Variants in CXADR observed in about 807,000 individuals in gnomAD.
CXADR encodes the protein coxsackievirus and adenovirus receptor.
CXADR carries 20 observed loss-of-function variants against 40.3 expected under a neutral mutation model. The ratio of observed to expected loss-of-function variants is 0.50; its 90% CI spans 0.35 to 0.72. The LOEUF (loss-of-function observed/expected upper bound fraction) is 0.72. CXADR is among the 30% of genes least tolerant of loss of function. The probability of loss-of-function intolerance (pLI) is 0.01; values close to 1 mark genes in which losing one functional copy is unlikely to be tolerated. For synonymous variants in CXADR, 150 were observed against 161.3 expected, an observed-to-expected ratio of 0.93 and a Z score of 0.53; for missense variants, 332 against 449.1, an observed-to-expected ratio of 0.74 and a Z score of 2.36.
downstream of CXADR, among the ~76,000 whole-genome samples, chr21:17,571,311 A>G (rs75003070): frequency 0.015 from 2,260 of 152,342 alleles, 54 homozygotes; most frequent in African/African-American, 0.051. Context: ...TAGAACTGAT[A>G]TAATAATGAA....
intron 7 of CXADR, among the ~76,000 whole-genome samples, chr21:17,587,108 T>G (rs904260054): frequency 5.9e-5 from 9 of 152,232 alleles, no homozygotes; most frequent in South Asian, 2.1e-4. Context: ...ATGGTGTATA[T>G]GTGCCACATT....
intron 6 of CXADR, 27 bp from the exon 7 acceptor site, chr21:17,565,401 A>C (rs781135313): frequency 6.2e-7 from 1 of 1,607,504 alleles, no homozygotes; most frequent in East Asian, 2.2e-5. Flanking sequence ...TATTCTCTTG[A>C]CATGTATTGG....
chr21:17,557,907 C>T (rs1482142461), intron 3 of CXADR, among the ~76,000 whole-genome samples: 1 of 151,956 alleles, frequency 6.6e-6, no homozygotes, highest in South Asian at 2.1e-4. Context: ...AGTGATCAGC[C>T]CACGTGATTA....
downstream of CXADR, chr21:17,598,511 T>C: frequency 6.5e-6 from 6 of 924,046 alleles, no homozygotes; most frequent in East Asian, 5.2e-5. Context: ...AGAACTATTA[T>C]CCAGAATCTC....
At chr21:17,545,360 A>G (rs2060882638) in intron 1 of CXADR, among the ~76,000 whole-genome samples, 1 of 152,190 alleles carries the variant, frequency 6.6e-6, no homozygotes, top group African/African-American at 2.4e-5. Context: ...AGTGCTATGC[A>G]TACTTTTATA....
chr21:17,601,783 G>A, the CXADR span, among the ~76,000 whole-genome samples: 2 of 152,092 alleles, frequency 1.3e-5, no homozygotes, highest in African/African-American at 2.4e-5. Flanking sequence ...ATTCAAAAAT[G>A]GAAAGGCAAG....
chr21:17,620,648 AG>A, the CXADR span, among the ~76,000 whole-genome samples: 1 of 152,338 alleles, frequency 6.6e-6, no homozygotes, highest in African/African-American at 2.4e-5. Context: ...AATATCTGCA[AG>A]TTCCAGTTAA....
At position 17,552,027 on chromosome 21, in the gene CXADR, C is replaced by A. The variant is rs143052451; in HGVS notation, c.415+74C>A. Reference sequence around the variant, plus strand: ...TAGTCATAGTACTGTAGTAGCAGCACTTGTATAAAATAAAGCTTAATTTTT... The same window carrying A: ...TAGTCATAGTACTGTAGTAGCAGCAATTGTATAAAATAAAGCTTAATTTTT... On this transcript the variant is annotated intron_variant, in intron 3 of 6. Transcript: ENST00000284878. The A allele has an allele frequency of 6.2e-6, 7 of 1,130,446 alleles. No individual in the cohort carries two copies. In the East Asian group the frequency reaches 1.7e-4, roughly 27 times the overall value. The allele number at this position is 1,130,446 out of a possible 1,614,324, so 70.0% of individuals were successfully genotyped here.
chr21:17,581,166 C>T (rs2061357474), intron 7 of CXADR, among the ~76,000 whole-genome samples: 1 of 152,160 alleles, frequency 6.6e-6, no homozygotes. Flanking sequence ...AGTGTTACAT[C>T]AAAGTGATAC....
chr21:17,535,240 A>G (rs781084765), intron 1 of CXADR, among the ~76,000 whole-genome samples: 1 of 152,094 alleles, frequency 6.6e-6, no homozygotes, highest in Non-Finnish European at 1.5e-5. Context: ...TGATTCTCCT[A>G]TTCAGCCTTC....
the CXADR span, among the ~76,000 whole-genome samples, chr21:17,618,107 C>G: frequency 6.6e-6 from 1 of 152,168 alleles, no homozygotes; most frequent in Non-Finnish European, 1.5e-5. Flanking sequence ...ATCCTAGCAA[C>G]TTGGGAGGGA....
chr21:17,525,754 G>A (rs550798131), intron 1 of CXADR, among the ~76,000 whole-genome samples: 9 of 152,138 alleles, frequency 5.9e-5, no homozygotes, highest in African/African-American at 1.9e-4. Context: ...AATTGCACAC[G>A]CATCTCATTT....
the CXADR span, among the ~76,000 whole-genome samples, chr21:17,616,547 G>A: frequency 6.6e-6 from 1 of 152,036 alleles, no homozygotes. Context: ...GTGTTACCTA[G>A]GATGGTCTCG....
the CXADR span, among the ~76,000 whole-genome samples, chr21:17,627,808 A>G: frequency 6.6e-6 from 1 of 152,184 alleles, no homozygotes; most frequent in African/African-American, 2.4e-5. Context: ...TTAGGATCCA[A>G]CTTTGTGGAC....
chr21:17,568,822 T>C lies in CXADR; in HGVS notation c.*3130T>C. 1 of 985,388 alleles carries C rather than the reference T, an allele frequency of 1.0e-6. No individual in the cohort carries two copies. Among genetic ancestry groups the C allele is most frequent in the South Asian group, 4.7e-5 (1 of 21,282 alleles). 61.0% of individuals were successfully genotyped at this position (985,388 alleles called of 1,614,324 possible). A position where few individuals can be genotyped will look rare whatever the true frequency, so the allele number is the denominator to read the frequency against. ...CAAAAATGTCTACTATTCATGACAG[T>C]AACCAATTATTCTGGACAAATTGCT... On this transcript the variant is annotated 3_prime_UTR_variant, in exon 7 of 7. Transcript: ENST00000284878.
Position 17,561,333 on chromosome 21 carries a change from T to A in CXADR, c.695-5T>A, listed in dbSNP as rs1460542616. 6 of 1,540,004 alleles carry A rather than the reference T, an allele frequency of 3.9e-6. No homozygotes were observed. The highest frequency in any genetic ancestry group is 5.3e-6 in the Non-Finnish European group (6 of 1,138,006). Reference sequence around the variant, plus strand: ...ATTTTTTACTATTAATTCTTCTTATTTTAGCTTCAAATAAAGCTGGACTAA... The same window carrying A: ...ATTTTTTACTATTAATTCTTCTTATATTAGCTTCAAATAAAGCTGGACTAA... On this transcript the variant is annotated splice_region_variant and splice_polypyrimidine_tract_variant and intron_variant, in intron 5 of 6. Coordinates refer to ENST00000284878, the MANE Select transcript of CXADR (RefSeq NM_001338.5).
chr21:17,618,942 T>C, the CXADR span, among the ~76,000 whole-genome samples: 5 of 152,224 alleles, frequency 3.3e-5, no homozygotes, highest in Non-Finnish European at 7.3e-5. Flanking sequence ...ACTAATCTCC[T>C]TGTAGATATC....
chr21:17,596,702 G>C (rs2061508428), downstream of CXADR, among the ~76,000 whole-genome samples: 1 of 151,954 alleles, frequency 6.6e-6, no homozygotes, highest in Admixed American at 6.6e-5. Flanking sequence ...TAATAGCTTT[G>C]AATTAGTGTG....
chr21:17,559,043 A>T lies in CXADR; in HGVS notation c.483A>T (p.Lys161Asn). ...SEEIGSDFKI[K>N]CEPKEGSLPL... ...AAATTGGAAGTGACTTTAAGATAAAATGTGAACCAAAAGAAGGTTCACTTC... is the reference window on the plus strand; with the variant it reads ...AAATTGGAAGTGACTTTAAGATAAATTGTGAACCAAAAGAAGGTTCACTTC... Residue 161 changes from lysine (K) to asparagine (N), a missense_variant, in exon 4 of 7, where the codon AAA (lysine) becomes AAT (asparagine). Around this residue, in one of 3 missense-constraint regions of CXADR, gnomAD observed 162 missense variants for 198.5 expected, o/e 0.82. Transcript: ENST00000284878. The T allele has an allele frequency of 6.2e-7, 1 of 1,614,176 alleles. No individual in the cohort carries two copies. Among genetic ancestry groups the T allele is most frequent in the Non-Finnish European group, 8.5e-7 (1 of 1,180,020 alleles).
Sources: allele counts gnomAD v4.1 joint callset (sites outside exome capture counted in the v4.1 genomes callset), GRCh38; gene constraint gnomAD v4.1.1; regional missense constraint gnomAD v4.1.1; transcripts MANE v1.5; gene names NCBI Gene and HGNC (gene_info 2026-07-23, HGNC 2026-07-21).